The following IGLON5 variants were observed in gnomAD, a reference collection of about 807,000 sequenced individuals.
The protein encoded by IGLON5 is Ig-like domain-containing protein ENSP00000270642.
Under a neutral mutation model 38.2 loss-of-function variants are expected in IGLON5, and 16 were observed. That is an observed-to-expected ratio of 0.42 (90% confidence interval 0.28 to 0.64). IGLON5 has a LOEUF of 0.64. Among genes scored for constraint, IGLON5 ranks in the 30% least tolerant of loss-of-function variants. The probability of loss-of-function intolerance (pLI) is 0.23; values close to 1 mark genes in which losing one functional copy is unlikely to be tolerated. For synonymous variants in IGLON5, 207 were observed against 216.4 expected, an observed-to-expected ratio of 0.96 and a Z score of 0.38; for missense variants, 366 against 483.4, an observed-to-expected ratio of 0.76 and a Z score of 2.28.
chr19:51,316,295 A>G (rs1374065302), intron 1 of IGLON5, among the ~76,000 whole-genome samples: 1 of 148,058 alleles, frequency 6.8e-6, no homozygotes, highest in East Asian at 2.1e-4. Flanking sequence ...CAGTGAGCCA[A>G]GATGGTGCCA....
Position 51,321,985 on chromosome 19 carries a change from G to A in IGLON5, c.80-79G>A, listed in dbSNP as rs549042980. Reference sequence around the variant, plus strand: ...GACGTCTGTGTCCACAAGGACGTGCGTGTGCACATGTGTGCAGGTGCTACC... The same window carrying A: ...GACGTCTGTGTCCACAAGGACGTGCATGTGCACATGTGTGCAGGTGCTACC... On this transcript the variant is annotated intron_variant, in intron 1 of 7. Transcript: ENST00000270642. 447 of 1,140,514 alleles carry A rather than the reference G, an allele frequency of 3.9e-4. 4 individuals carry two copies. The South Asian group carries it at 4.6e-3, about 12-fold the overall frequency. 70.6% of individuals were successfully genotyped at this position (1,140,514 alleles called of 1,614,324 possible).
At chr19:51,322,869 CCT>C (rs1339954829) in intron 2 of IGLON5, among the ~76,000 whole-genome samples, 2 of 132,548 alleles carry the variant, frequency 1.5e-5, no homozygotes, top group Non-Finnish European at 3.2e-5. Flanking sequence ...TCTCTGTTCT[CCT>C]CTCTCTTTCT....
rs573807271 is a variant in IGLON5 at position 51,327,262 on chromosome 19, G to A, written c.767+62G>A. 59 of 1,563,812 alleles carry A rather than the reference G, an allele frequency of 3.8e-5. No homozygotes were observed. The African/African-American group carries it at 7.3e-4, about 19-fold the overall frequency. ...GGGGAGGTCTTTAGTCCCTTCGATTGTGAGGCAGGGGGACGGAGCGGGGCG... is the reference window on the plus strand; with the variant it reads ...GGGGAGGTCTTTAGTCCCTTCGATTATGAGGCAGGGGGACGGAGCGGGGCG... On this transcript the variant is annotated intron_variant, in intron 6 of 7. Transcript: ENST00000270642. The surrounding 1 kb of genome is among the most constrained non-coding windows in gnomAD (Gnocchi z 7.1).
Position 51,325,406 on chromosome 19 carries a change from A to G in IGLON5, c.452A>G (p.Asn151Ser). The G allele has an allele frequency of 6.2e-7, 1 of 1,613,762 alleles. No individual in the cohort carries two copies. The highest frequency in any genetic ancestry group is 8.5e-7 in the Non-Finnish European group (1 of 1,179,792). The stretch of plus-strand genomic sequence containing the variant: ...ACGGTGAATGAGGGGGGCAATGTGA[A>G]CCTGCTTTGCCTGGCCGTGGGGCGG... ...PVTVNEGGNV[N>S]LLCLAVGRPE... The change falls in exon 4 of 8, where the codon AAC becomes AGC. Residue 151 changes from asparagine to serine, a missense_variant. Physicochemically the swap from Asn to Ser is conservative, Grantham distance 46. Transcript: ENST00000270642. This position sits in a 1 kb window ranked among gnomAD's most constrained non-coding sequence, Gnocchi z 5.5.
chr19:51,317,300 G>T lies in IGLON5; in HGVS notation c.80-4764G>T, dbSNP rs117563153. Among the ~76,000 whole-genome samples, 1,376 of 152,326 alleles carry T rather than the reference G, an allele frequency of 9.0e-3. 16 individuals are homozygous for T. The highest frequency in any genetic ancestry group is 0.013 in the Non-Finnish European group (900 of 68,032). On this transcript the variant is annotated intron_variant, in intron 1 of 7. Coordinates refer to ENST00000270642, the MANE Select transcript of IGLON5 (RefSeq NM_001101372.3). ...TGCCACATAATCACCCTAACAGCCA[G>T]CTCACGGACGGCTGTTTGCAAGCAC...
At chr19:51,312,367 C>T (rs1033982954) in intron 1 of IGLON5, among the ~76,000 whole-genome samples, 2 of 151,918 alleles carry the variant, frequency 1.3e-5, no homozygotes, top group Admixed American at 1.3e-4. Flanking sequence ...GAGAGGGTCC[C>T]TGAAGAGGTC....
In IGLON5 at chr19:51,327,056, T is replaced by C; in HGVS notation, c.647-24T>C. 3 of 1,602,372 alleles carry C rather than the reference T, an allele frequency of 1.9e-6. No homozygotes were observed. Among genetic ancestry groups the C allele is most frequent in the Non-Finnish European group, 2.6e-6 (3 of 1,173,762 alleles). ...TTCGTCCCCACGCGGCTAGGAGAAT[T>C]CGCTGACCCTTGCCCCTCGCCAGAT... On this transcript the variant is annotated intron_variant, in intron 5 of 7. Transcript: ENST00000270642. This position sits in a 1 kb window ranked among gnomAD's most constrained non-coding sequence, Gnocchi z 7.1.
rs548008333 is a variant in IGLON5, at chr19:51,328,948, C to T, written c.*189C>T. 34 of 503,856 alleles carry T rather than the reference C, an allele frequency of 6.7e-5. No individual in the cohort carries two copies. In the East Asian group the frequency reaches 9.2e-4, roughly 14 times the overall value. 31.2% of individuals were successfully genotyped at this position (503,856 alleles called of 1,614,324 possible). ...GAGAACCCATCACTGTGAGGGATAA[C>T]GCAAAATTATGCATCTTTCTACAGC... On this transcript the variant is annotated 3_prime_UTR_variant, in exon 8 of 8. Transcript: ENST00000270642.
chr19:51,326,988 G>C (rs1039844730), intron 5 of IGLON5, 90 bp downstream of exon 5: 55 of 1,583,850 alleles, frequency 3.5e-5, no homozygotes, highest in African/African-American at 5.4e-5. Context: ...GCGGGGGCGA[G>C]ACTTACGGGC....
chr19:51,319,527 A>G (rs1985004037), intron 1 of IGLON5, among the ~76,000 whole-genome samples: 1 of 151,810 alleles, frequency 6.6e-6, no homozygotes, highest in Non-Finnish European at 1.5e-5. Context: ...CTGTGTAACC[A>G]GTTAGGTTAG....
chr19:51,323,084 T>C (rs1268035057), intron 2 of IGLON5, among the ~76,000 whole-genome samples: 1 of 148,568 alleles, frequency 6.7e-6, no homozygotes, highest in Non-Finnish European at 1.5e-5. Flanking sequence ...TGTATCTGTG[T>C]GTGTGTGAGT....
intron 1 of IGLON5, among the ~76,000 whole-genome samples, chr19:51,317,257 T>A (rs1451362803): frequency 6.6e-6 from 1 of 152,168 alleles, no homozygotes; most frequent in Non-Finnish European, 1.5e-5. Flanking sequence ...GACACCTCCC[T>A]TGCCACAGGC....
chr19:51,315,762 C>T (rs1037519420), intron 1 of IGLON5, among the ~76,000 whole-genome samples: 2 of 135,120 alleles, frequency 1.5e-5, no homozygotes, highest in Admixed American at 1.7e-4. Context: ...GTGGCACTAT[C>T]TCAGCTCACT....
At position 51,325,547 on chromosome 19, in the gene IGLON5, T is replaced by G. The variant is rs1985196219; in HGVS notation, c.511+82T>G. 2.0e-5 allele frequency: 28 copies of G among 1,375,572 alleles called. No individual in the cohort carries two copies. Among genetic ancestry groups the G allele is most frequent in the Non-Finnish European group, 2.6e-5 (27 of 1,025,456 alleles). 85.2% of individuals were successfully genotyped at this position (1,375,572 alleles called of 1,614,324 possible). On this transcript the variant is annotated intron_variant, in intron 4 of 7. Coordinates refer to ENST00000270642, the MANE Select transcript of IGLON5 (RefSeq NM_001101372.3). This position sits in a 1 kb window ranked among gnomAD's most constrained non-coding sequence, Gnocchi z 5.5. Reference sequence around the variant, plus strand: ...TCCATTCCCCATATCCCTAGCTAGTTTCCCCAGCCCCCTTCTCCCTGGCCC... The same window carrying G: ...TCCATTCCCCATATCCCTAGCTAGTGTCCCCAGCCCCCTTCTCCCTGGCCC...
At chr19:51,315,521 G>GACCAAA (rs548617360) in intron 1 of IGLON5, among the ~76,000 whole-genome samples, 62 of 152,156 alleles carry the variant, frequency 4.1e-4, no homozygotes, top group African/African-American at 1.5e-3. Flanking sequence ...AGAGATCAAA[G>GACCAAA]ACCAAAACCA....
chr19:51,322,270 C>A, intron 2 of IGLON5, 128 bp downstream of exon 2: 1 of 738,104 alleles, frequency 1.4e-6, no homozygotes, highest in Non-Finnish European at 2.4e-6. Flanking sequence ...CCACATTCCC[C>A]CTCAGTAGCG....
At position 51,327,012 on chromosome 19, in the gene IGLON5, G is replaced by A; in HGVS notation, c.647-68G>A. 6.3e-7 allele frequency: 1 copy of A among 1,596,318 alleles called. No individual in the cohort carries two copies. Among genetic ancestry groups the A allele is most frequent in the East Asian group, 2.3e-5 (1 of 44,384 alleles). The stretch of plus-strand genomic sequence containing the variant: ...AGACTTACGGGCCTGAGGGAGGCGG[G>A]GGCTGGGGGCGGGACCCCTTCGTCC... On this transcript the variant is annotated intron_variant, in intron 5 of 7. Coordinates refer to ENST00000270642, the MANE Select transcript of IGLON5 (RefSeq NM_001101372.3). The surrounding 1 kb of genome is among the most constrained non-coding windows in gnomAD (Gnocchi z 7.1).
chr19:51,315,587 G>C (rs924769552), intron 1 of IGLON5, among the ~76,000 whole-genome samples: 3 of 151,120 alleles, frequency 2.0e-5, no homozygotes, highest in Non-Finnish European at 2.9e-5. Flanking sequence ...GTAATGTAAA[G>C]AAGATAAAAG....
intron 7 of IGLON5, among the ~76,000 whole-genome samples, chr19:51,328,390 T>C (rs1028192443): frequency 3.6e-4 from 53 of 149,174 alleles, no homozygotes; most frequent in African/African-American, 1.3e-3. Flanking sequence ...TGGGCACCTG[T>C]GGTCCTAGCT....
Sources: allele counts gnomAD v4.1 joint callset (sites outside exome capture counted in the v4.1 genomes callset), GRCh38; gene constraint gnomAD v4.1.1; non-coding constraint Gnocchi (gnomAD v3.1); transcripts MANE v1.5; gene names NCBI Gene and HGNC (gene_info 2026-07-23, HGNC 2026-07-21).